The following CNOT2 variants were observed in gnomAD, a reference collection of about 807,000 sequenced individuals.
The protein encoded by CNOT2 is CCR4-NOT transcription complex subunit 2.
A neutral mutation model predicts 72.1 loss-of-function variants in CNOT2; 7 were observed. The observed-to-expected ratio is 0.10, with a 90% CI of 0.06 to 0.18. CNOT2 has a LOEUF of 0.18. Among genes scored for constraint, CNOT2 ranks in the 10% least tolerant of loss-of-function variants. The pLI, the probability that CNOT2 is intolerant of heterozygous loss-of-function variation, is 1.00. For synonymous variants in CNOT2, 196 were observed against 225.6 expected, an observed-to-expected ratio of 0.87 and a Z score of 1.17; for missense variants, 345 against 660.3, an observed-to-expected ratio of 0.52 and a Z score of 5.23.
intron 3 of CNOT2, among the ~76,000 whole-genome samples, chr12:70,315,025 G>A (rs924361915): frequency 5.9e-5 from 9 of 151,856 alleles, no homozygotes; most frequent in Non-Finnish European, 1.2e-4. Flanking sequence ...CACCACGCCC[G>A]GCTAATTTTT....
intron 3 of CNOT2, among the ~76,000 whole-genome samples, chr12:70,312,232 A>G (rs1215553937): frequency 1.3e-5 from 2 of 151,954 alleles, no homozygotes; most frequent in Non-Finnish European, 2.9e-5. Flanking sequence ...TTATTTACAC[A>G]GGTTTCTATT....
At chr12:70,319,079 A>G (rs565125392) in intron 3 of CNOT2, 55 of 367,866 alleles carry the variant, frequency 1.5e-4, no homozygotes, top group African/African-American at 1.0e-3. Context: ...AACTTATAGT[A>G]TTAAAAATTA....
At chr12:70,272,737 G>A (rs773380518) in intron 1 of CNOT2, among the ~76,000 whole-genome samples, 2 of 152,068 alleles carry the variant, frequency 1.3e-5, no homozygotes, top group East Asian at 1.9e-4. Flanking sequence ...ACCTACTGTC[G>A]TTCCTCTAAT....
At chr12:70,291,536 G>A (rs1247947572) in intron 2 of CNOT2, among the ~76,000 whole-genome samples, 1 of 152,236 alleles carries the variant, frequency 6.6e-6, no homozygotes, top group Non-Finnish European at 1.5e-5. Flanking sequence ...TTTATGTAAA[G>A]TCTTTGACAC....
rs1957757702 is a variant in CNOT2 at position 70,244,236 on chromosome 12, C to G, written c.-96+756C>G. ...AGACTGAGTCCGGATGATCCTGGGG[C>G]GGCGGAGGAACCACAGACGCTTCTG... On this transcript the variant is annotated intron_variant, in intron 1 of 15. Transcript: ENST00000229195. 3 of 152,254 alleles carry G rather than the reference C, an allele frequency of 2.0e-5. No individual in the cohort carries two copies. The South Asian group carries it at 6.2e-4, about 32-fold the overall frequency. The allele number at this position is 152,254 out of a possible 1,614,324, so 9.4% of individuals were successfully genotyped here. A position where few individuals can be genotyped will look rare whatever the true frequency, so the allele number is the denominator to read the frequency against.
intron 2 of CNOT2, among the ~76,000 whole-genome samples, chr12:70,289,509 A>G (rs1378909022): frequency 6.6e-6 from 1 of 151,884 alleles, no homozygotes; most frequent in Non-Finnish European, 1.5e-5. Context: ...AATTTTTTTC[A>G]TCCATTATTT....
At chr12:70,350,079 G>A (rs1457493935) in intron 15 of CNOT2, among the ~76,000 whole-genome samples, 1 of 151,754 alleles carries the variant, frequency 6.6e-6, no homozygotes, top group African/African-American at 2.4e-5. Flanking sequence ...AGCAGGCCAT[G>A]TTCTCCTGTG....
chr12:70,271,737 G>A (rs1959257522), intron 1 of CNOT2, among the ~76,000 whole-genome samples: 2 of 152,156 alleles, frequency 1.3e-5, no homozygotes, highest in Non-Finnish European at 2.9e-5. Flanking sequence ...GTCACAGATA[G>A]AAGGGCTTTT....
intron 15 of CNOT2, among the ~76,000 whole-genome samples, chr12:70,352,397 A>T (rs991064657): frequency 2.0e-5 from 3 of 152,196 alleles, no homozygotes; most frequent in African/African-American, 7.2e-5. Flanking sequence ...GCTTTCAATA[A>T]ATTCTGCTGT....
At chr12:70,289,426 A>G (rs1871474432) in intron 2 of CNOT2, among the ~76,000 whole-genome samples, 1 of 152,060 alleles carries the variant, frequency 6.6e-6, no homozygotes, top group South Asian at 2.1e-4. Flanking sequence ...CTATGTCGGT[A>G]TAATTTTTTT....
At chr12:70,328,732 C>A (rs1167473659) in intron 4 of CNOT2, among the ~76,000 whole-genome samples, 1 of 148,446 alleles carries the variant, frequency 6.7e-6, no homozygotes, top group Non-Finnish European at 1.5e-5. Context: ...AAAAAAAAAA[C>A]CTATTAGAAT....
At chr12:70,254,475 CGT>C (rs900140628) in intron 1 of CNOT2, among the ~76,000 whole-genome samples, 9 of 151,980 alleles carry the variant, frequency 5.9e-5, no homozygotes, top group African/African-American at 2.2e-4. Context: ...CAATTTAAAA[CGT>C]ATGAATTATT....
chr12:70,337,721 G>T, intron 9 of CNOT2: 2 of 589,148 alleles, frequency 3.4e-6, no homozygotes, highest in Non-Finnish European at 6.3e-6. Context: ...AATTTCTGTT[G>T]AACTTCTCAG....
At chr12:70,252,725 T>C (rs931440468) in intron 1 of CNOT2, among the ~76,000 whole-genome samples, 12 of 152,184 alleles carry the variant, frequency 7.9e-5, no homozygotes, top group African/African-American at 2.9e-4. Flanking sequence ...AGGTGACTTA[T>C]TCTCCCTATA....
At chr12:70,300,398 A>G (rs1873707359) in intron 2 of CNOT2, among the ~76,000 whole-genome samples, 1 of 152,188 alleles carries the variant, frequency 6.6e-6, no homozygotes, top group Non-Finnish European at 1.5e-5. Flanking sequence ...ATTTTTGTAT[A>G]AGGTGTAAGG....
At chr12:70,319,515 A>G in intron 4 of CNOT2, 151 bp downstream of exon 4, 1 of 684,780 alleles carries the variant, frequency 1.5e-6, no homozygotes, top group Non-Finnish European at 2.4e-6. Flanking sequence ...TTACTTACAT[A>G]GCAAAACCTC....
chr12:70,302,218 A>G (rs1185180875), intron 2 of CNOT2, among the ~76,000 whole-genome samples: 1 of 151,642 alleles, frequency 6.6e-6, no homozygotes, highest in Non-Finnish European at 1.5e-5. Flanking sequence ...TATTTCCTTC[A>G]GTTCTGCTCT....
chr12:70,296,837 A>T (rs1301954351), intron 2 of CNOT2, among the ~76,000 whole-genome samples: 1 of 151,396 alleles, frequency 6.6e-6, no homozygotes, highest in Non-Finnish European at 1.5e-5. Flanking sequence ...CAGGATAAGC[A>T]GTTTAAAATC....
chr12:70,349,748 C>G (rs1882638203), intron 15 of CNOT2, among the ~76,000 whole-genome samples: 1 of 152,042 alleles, frequency 6.6e-6, no homozygotes, highest in Admixed American at 6.5e-5. Context: ...GCCTGTAATC[C>G]TAACACTTTG....
Sources: gnomAD v4.1 joint callset for allele counts (sites outside exome capture counted in the v4.1 genomes callset) on GRCh38, gnomAD v4.1.1 for gene constraint, MANE v1.5 for transcripts, NCBI Gene and HGNC (gene_info 2026-07-23, HGNC 2026-07-21) for gene names.